GRB14: variants seen among roughly 807,000 people sequenced by gnomAD.
The protein encoded by GRB14 is growth factor receptor-bound protein 14.
In GRB14, 38 loss-of-function variants were observed where a neutral mutation model predicts 69.1. That is an observed-to-expected ratio of 0.55 (90% confidence interval 0.42 to 0.72). GRB14 has a LOEUF of 0.72. Among genes scored for constraint, GRB14 ranks in the 30% least tolerant of loss-of-function variants. The pLI is 0.00. For synonymous variants in GRB14, 247 were observed against 241.3 expected, an observed-to-expected ratio of 1.02 and a Z score of -0.22; for missense variants, 666 against 666.1, an observed-to-expected ratio of 1.00 and a Z score of 0.00.
intron 2 of GRB14, among the ~76,000 whole-genome samples, chr2:164,618,826 G>C (rs529448580): frequency 6.6e-6 from 1 of 152,142 alleles, no homozygotes; most frequent in East Asian, 1.9e-4. Flanking sequence ...TCTTGTCCTC[G>C]CTGTTCATTA....
chr2:164,551,895 C>T (rs953479859), intron 2 of GRB14, among the ~76,000 whole-genome samples: 10 of 152,108 alleles, frequency 6.6e-5, no homozygotes, highest in Admixed American at 1.3e-4. Flanking sequence ...GAGGTTTATT[C>T]GGCTCATGGT....
chr2:164,611,845 T>G (rs139827620), intron 2 of GRB14, among the ~76,000 whole-genome samples: 80 of 152,256 alleles, frequency 5.3e-4, no homozygotes, highest in East Asian at 1.5e-3. Context: ...GTGGTCACTA[T>G]ATGGGAATAC....
At chr2:164,522,439 A>T (rs1687658514) in intron 5 of GRB14, among the ~76,000 whole-genome samples, 1 of 152,158 alleles carries the variant, frequency 6.6e-6, no homozygotes, top group South Asian at 2.1e-4. Flanking sequence ...AAGTGATAGT[A>T]CATAGTTATC....
intron 12 of GRB14, among the ~76,000 whole-genome samples, chr2:164,496,446 A>ACAT (rs1686896188): frequency 6.6e-6 from 1 of 152,206 alleles, no homozygotes; most frequent in African/African-American, 2.4e-5. Context: ...CTAAAAGACA[A>ACAT]CATGAGAAAC....
chr2:164,542,720 T>C (rs1215946153), intron 3 of GRB14, among the ~76,000 whole-genome samples: 1 of 151,992 alleles, frequency 6.6e-6, no homozygotes, highest in Non-Finnish European at 1.5e-5. Context: ...AGAATGGCTA[T>C]CATCAAAAGT....
intron 2 of GRB14, among the ~76,000 whole-genome samples, chr2:164,598,483 T>C (rs2105350486): frequency 6.6e-6 from 1 of 152,280 alleles, no homozygotes; most frequent in East Asian, 1.9e-4. Flanking sequence ...AATGTTAAAT[T>C]AAATGTACAA....
intron 4 of GRB14, 34 bp downstream of exon 4, chr2:164,526,980 A>G: frequency 6.7e-7 from 1 of 1,485,030 alleles, no homozygotes. Flanking sequence ...GGGTTCATTT[A>G]TTTTCCGTAA....
chr2:164,503,797 G>A (rs866038070), intron 8 of GRB14, among the ~76,000 whole-genome samples: 1 of 152,122 alleles, frequency 6.6e-6, no homozygotes, highest in African/African-American at 2.4e-5. Context: ...TTATTAATCT[G>A]CATTGAAAAG....
intron 2 of GRB14, among the ~76,000 whole-genome samples, chr2:164,606,472 G>A (rs1433909180): frequency 6.6e-6 from 1 of 152,126 alleles, no homozygotes; most frequent in Non-Finnish European, 1.5e-5. Context: ...TGACTAAAGA[G>A]TCAATTAATT....
intron 2 of GRB14, among the ~76,000 whole-genome samples, chr2:164,595,023 A>T (rs1015330048): frequency 2.6e-5 from 4 of 152,200 alleles, no homozygotes; most frequent in African/African-American, 9.6e-5. Context: ...AGACCCATTA[A>T]TAGGTCCATG....
At chr2:164,530,583 A>G (rs1687903065) in intron 3 of GRB14, among the ~76,000 whole-genome samples, 1 of 152,078 alleles carries the variant, frequency 6.6e-6, no homozygotes, top group Admixed American at 6.5e-5. Context: ...GTTTAAACAG[A>G]GACCTAAAGG....
At chr2:164,517,599 G>C (rs1009745693) in intron 6 of GRB14, among the ~76,000 whole-genome samples, 5 of 152,026 alleles carry the variant, frequency 3.3e-5, no homozygotes, top group African/African-American at 1.2e-4. Flanking sequence ...CACCAACCAA[G>C]TATTTGCTGT....
chr2:164,608,638 A>T (rs1690096791), intron 2 of GRB14, among the ~76,000 whole-genome samples: 1 of 151,698 alleles, frequency 6.6e-6, no homozygotes, highest in Non-Finnish European at 1.5e-5. Flanking sequence ...AGTTCTGGGG[A>T]GTATGATGAA....
At position 164,493,008 on chromosome 2, in the gene GRB14, A is replaced by T; in HGVS notation, c.*28T>A. Reference sequence around the variant, plus strand: ...ATTTTTCTTGAGTCCTTTTCCTTCAATAGTTTAATAAGTCACTTCTGGCTT... The same window carrying T: ...ATTTTTCTTGAGTCCTTTTCCTTCATTAGTTTAATAAGTCACTTCTGGCTT... On this transcript the variant is annotated 3_prime_UTR_variant, in exon 14 of 14. Coordinates refer to ENST00000263915, the MANE Select transcript of GRB14 (RefSeq NM_004490.3). 1 of 1,586,176 alleles carries T rather than the reference A, an allele frequency of 6.3e-7. No homozygotes were observed. The highest frequency in any genetic ancestry group is 8.6e-7 in the Non-Finnish European group (1 of 1,166,908).
chr2:164,586,118 G>T (rs892874716), intron 2 of GRB14, among the ~76,000 whole-genome samples: 1 of 152,186 alleles, frequency 6.6e-6, no homozygotes, highest in Non-Finnish European at 1.5e-5. Context: ...AAAGGAAGAG[G>T]TCATGAAGTT....
intron 2 of GRB14, among the ~76,000 whole-genome samples, chr2:164,586,365 T>C (rs920047839): frequency 6.6e-6 from 1 of 152,192 alleles, no homozygotes; most frequent in Non-Finnish European, 1.5e-5. Context: ...GGGGATCCAG[T>C]TAAGATTTTT....
intron 3 of GRB14, among the ~76,000 whole-genome samples, chr2:164,546,566 C>T (rs528858137): frequency 2.2e-4 from 34 of 152,278 alleles, no homozygotes; most frequent in Non-Finnish European, 4.0e-4. Context: ...GAGAATCAAA[C>T]TTCCATATCC....
intron 2 of GRB14, among the ~76,000 whole-genome samples, chr2:164,617,970 GGGT>G (rs1213367448): frequency 1.5e-5 from 2 of 134,164 alleles, no homozygotes; most frequent in African/African-American, 5.2e-5. Context: ...GGGGGGGGGG[GGGT>G]AGTGTCAGCG....
chr2:164,527,192 T>C (rs1687800182), intron 3 of GRB14, 57 bp from the exon 4 acceptor site: 21 of 156,092 alleles, frequency 1.3e-4, no homozygotes, highest in Non-Finnish European at 1.4e-4. Flanking sequence ...TATATATATA[T>C]ATATATATAT....
Sources: gnomAD v4.1 joint callset for allele counts (sites outside exome capture counted in the v4.1 genomes callset) on GRCh38, gnomAD v4.1.1 for gene constraint, MANE v1.5 for transcripts, NCBI Gene and HGNC (gene_info 2026-07-23, HGNC 2026-07-21) for gene names.